PIGX: variants seen among roughly 807,000 people sequenced by gnomAD.
PIGX encodes GPI alpha-1,4-mannosyltransferase I, stabilizing subunit.
A neutral mutation model predicts 28.7 loss-of-function variants in PIGX; 24 were observed. The observed-to-expected ratio is 0.84, with a 90% CI of 0.60 to 1.17. PIGX has a LOEUF of 1.17. Among genes scored for constraint, PIGX ranks in the 50% most tolerant of loss-of-function variants. The pLI, the probability that PIGX is intolerant of heterozygous loss-of-function variation, is 0.00. For synonymous variants in PIGX, 127 were observed against 121.0 expected (o/e 1.05, Z -0.33); for missense variants, 305 against 317.8 (o/e 0.96, Z 0.31).
chr3:196,717,300 C>CAAAAAAA (rs55850813), intron 2 of PIGX, among the ~76,000 whole-genome samples: 27 of 120,926 alleles, frequency 2.2e-4, no homozygotes, highest in Admixed American at 3.5e-4. Context: ...GACTCTGTCT[C>CAAAAAAA]AAAAAAAGAA....
intron 4 of PIGX, 51 bp downstream of exon 4, chr3:196,728,187 G>C (rs1319595271): frequency 8.2e-6 from 12 of 1,457,602 alleles, no homozygotes; most frequent in Non-Finnish European, 1.1e-5. Flanking sequence ...ATAAAGGTAT[G>C]GTGGCAAGTC....
At chr3:196,714,487 C>T (rs952111745) in intron 1 of PIGX, among the ~76,000 whole-genome samples, 4 of 139,408 alleles carry the variant, frequency 2.9e-5, no homozygotes, top group South Asian at 2.2e-4. Context: ...TTTTTTGAGA[C>T]GGAGTCTTGC....
At chr3:196,718,600 T>C (rs1712192393) in intron 2 of PIGX, among the ~76,000 whole-genome samples, 1 of 152,214 alleles carries the variant, frequency 6.6e-6, no homozygotes, top group South Asian at 2.1e-4. Flanking sequence ...CTTCTTGAAA[T>C]ATATCTGGAT....
rs1712907330 is a variant in PIGX, at chr3:196,733,688, C to T, written c.634-71C>T. ...TTGGCCTCCCGAAGTGCTGGGATTA[C>T]AGGCATGAGCTACCACACCGGGCCC... On this transcript the variant is annotated intron_variant, in intron 5 of 5. Transcript: ENST00000392391. The surrounding 1 kb of genome is among the most constrained non-coding windows in gnomAD (Gnocchi z 4.3). The T allele has an allele frequency of 8.7e-7, 1 of 1,153,280 alleles. No individual in the cohort carries two copies. Among genetic ancestry groups the T allele is most frequent in the Non-Finnish European group, 1.3e-6 (1 of 780,062 alleles). 71.4% of individuals were successfully genotyped at this position (1,153,280 alleles called of 1,614,324 possible).
chr3:196,725,965 T>C (rs558135531), intron 3 of PIGX, among the ~76,000 whole-genome samples: 2 of 152,300 alleles, frequency 1.3e-5, no homozygotes, highest in Non-Finnish European at 2.9e-5. Context: ...TATAGGGATA[T>C]AGACATATCC....
chr3:196,712,926 C>CGG (rs1711894526), intron 1 of PIGX: 1 of 1,024,018 alleles, frequency 9.8e-7, no homozygotes, highest in South Asian at 4.6e-5. Context: ...AGCCGTCAAG[C>CGG]GTCTTGGGAT....
chr3:196,732,216 T>TTG (rs1553797085), intron 5 of PIGX, among the ~76,000 whole-genome samples: 1 of 51,378 alleles, frequency 1.9e-5, no homozygotes, highest in Non-Finnish European at 3.3e-5. Flanking sequence ...TATATATTAT[T>TTG]TATATATATA....
At position 196,712,505 on chromosome 3, in the gene PIGX, C is replaced by A. The variant is rs1423949333; in HGVS notation, c.-28C>A. 2.7e-6 allele frequency: 3 copies of A among 1,094,110 alleles called. No individual in the cohort carries two copies. The highest frequency in any genetic ancestry group is 3.4e-6 in the Non-Finnish European group (3 of 883,098). 67.8% of individuals were successfully genotyped at this position (1,094,110 alleles called of 1,614,324 possible). A position where few individuals can be genotyped will look rare whatever the true frequency, so the allele number is the denominator to read the frequency against. ...TGCGTCCGCACCTGGCCCCGCGCGC[C>A]CCTCTCGGGCGTCCGGCTTCCGGCG... On this transcript the variant is annotated 5_prime_UTR_variant, in exon 1 of 6. Coordinates refer to ENST00000392391, the MANE Select transcript of PIGX (RefSeq NM_017861.4).
At chr3:196,729,701 A>G (rs185950056) in intron 4 of PIGX, among the ~76,000 whole-genome samples, 3 of 150,336 alleles carry the variant, frequency 2.0e-5, no homozygotes, top group Admixed American at 2.0e-4. Flanking sequence ...CATTTTCTTT[A>G]GTTTACGAAG....
intron 5 of PIGX, among the ~76,000 whole-genome samples, chr3:196,732,216 T>TATATATATA (rs1553797075): frequency 5.8e-5 from 3 of 51,378 alleles, no homozygotes; most frequent in Non-Finnish European, 9.9e-5. Flanking sequence ...TATATATTAT[T>TATATATATA]TATATATATA....
At chr3:196,718,694 T>G (rs1332552098) in intron 2 of PIGX, among the ~76,000 whole-genome samples, 1 of 152,192 alleles carries the variant, frequency 6.6e-6, no homozygotes, top group East Asian at 1.9e-4. Flanking sequence ...GATGCCTTAT[T>G]CTGGTTTCAC....
chr3:196,719,721 T>C (rs992509599), intron 2 of PIGX, among the ~76,000 whole-genome samples: 12 of 152,218 alleles, frequency 7.9e-5, no homozygotes, highest in Non-Finnish European at 7.3e-5. Flanking sequence ...TACTGGTTTT[T>C]CTTTAAGCAG....
rs1192838535 is a variant in PIGX at position 196,712,893 on chromosome 3, C to T, written c.112+249C>T. ...CCAGGCTGGACTGGCCGCCCTGTTA[C>T]TAAAGTTCTGAGAAGGAAAGTCAGC... On this transcript the variant is annotated intron_variant, in intron 1 of 5. Transcript: ENST00000392391. 5 of 1,060,966 alleles carry T rather than the reference C, an allele frequency of 4.7e-6. No homozygotes were observed. In the African/African-American group the frequency reaches 8.4e-5, roughly 18 times the overall value. The allele number at this position is 1,060,966 out of a possible 1,614,324, so 65.7% of individuals were successfully genotyped here. A position where few individuals can be genotyped will look rare whatever the true frequency, so the allele number is the denominator to read the frequency against.
chr3:196,713,861 G>T (rs1005275470), intron 1 of PIGX, among the ~76,000 whole-genome samples: 3 of 148,664 alleles, frequency 2.0e-5, no homozygotes, highest in East Asian at 2.0e-4. Context: ...AAAGGAAAAA[G>T]AAGTCAATTT....
intron 2 of PIGX, among the ~76,000 whole-genome samples, chr3:196,718,561 G>T (rs1712190284): frequency 6.6e-6 from 1 of 152,024 alleles, no homozygotes; most frequent in South Asian, 2.1e-4. Flanking sequence ...TTCCAGTAGT[G>T]AACGTACTCC....
chr3:196,715,352 CG>C (rs1560074803), intron 1 of PIGX, among the ~76,000 whole-genome samples: 1 of 152,124 alleles, frequency 6.6e-6, no homozygotes, highest in Non-Finnish European at 1.5e-5. Context: ...TTCTTCTAAT[CG>C]GTCACGTAGT....
Position 196,712,507 on chromosome 3 carries a change from C to T in PIGX, c.-26C>T, listed in dbSNP as rs1711859670. On this transcript the variant is annotated 5_prime_UTR_variant, in exon 1 of 6. Coordinates refer to ENST00000392391, the MANE Select transcript of PIGX (RefSeq NM_017861.4). ...CGTCCGCACCTGGCCCCGCGCGCCC[C>T]TCTCGGGCGTCCGGCTTCCGGCGTC... 2 of 1,114,662 alleles carry T rather than the reference C, an allele frequency of 1.8e-6. No homozygotes were observed. The highest frequency in any genetic ancestry group is 1.6e-5 in the African/African-American group (1 of 60,952). The allele number at this position is 1,114,662 out of a possible 1,614,324, so 69.0% of individuals were successfully genotyped here. A position where few individuals can be genotyped will look rare whatever the true frequency, so the allele number is the denominator to read the frequency against.
At chr3:196,718,888 A>G (rs1477882835) in intron 2 of PIGX, among the ~76,000 whole-genome samples, 1 of 152,120 alleles carries the variant, frequency 6.6e-6, no homozygotes, top group East Asian at 1.9e-4. Context: ...TTTCTTGATG[A>G]ATTGGATGAA....
intron 1 of PIGX, among the ~76,000 whole-genome samples, chr3:196,714,980 G>T (rs1333256637): frequency 6.6e-6 from 1 of 152,156 alleles, no homozygotes; most frequent in Admixed American, 6.5e-5. Context: ...GGAGGCTGAG[G>T]CAGGAGAATT....
Sources: gnomAD v4.1 joint callset for allele counts (sites outside exome capture counted in the v4.1 genomes callset) on GRCh38, gnomAD v4.1.1 for gene constraint, Gnocchi (gnomAD v3.1) non-coding constraint, MANE v1.5 for transcripts, NCBI Gene and HGNC (gene_info 2026-07-23, HGNC 2026-07-21) for gene names.